The following GON4L variants were observed in gnomAD, a reference collection of about 807,000 sequenced individuals.
GON4L encodes the protein GON-4-like protein.
Under a neutral mutation model 211.8 loss-of-function variants are expected in GON4L, and 87 were observed. The ratio of observed to expected loss-of-function variants is 0.41; its 90% CI spans 0.35 to 0.49. The LOEUF is 0.49. GON4L is among the 20% of genes least tolerant of loss of function. GON4L has a pLI of 0.15. For missense variants in GON4L, 2,155 were observed against 2,659.5 expected, an observed-to-expected ratio of 0.81 and a Z score of 4.17; for synonymous variants, 875 against 962.6, an observed-to-expected ratio of 0.91 and a Z score of 1.68.
chr1:155,754,285 C>T (rs1400553605), intron 28 of GON4L, 90 bp downstream of exon 28: 1 of 826,600 alleles, frequency 1.2e-6, no homozygotes, highest in East Asian at 2.4e-5. Flanking sequence ...ATATATGTGC[C>T]TTTTTAGGAA....
At position 155,750,544 on chromosome 1, in the gene GON4L, G is replaced by A. The variant is rs748223869; in HGVS notation, c.*40C>T. The A allele has an allele frequency of 1.0e-4, 159 of 1,551,642 alleles. No homozygotes were observed. The East Asian group carries it at 2.4e-3, about 24-fold the overall frequency. On this transcript the variant is annotated 3_prime_UTR_variant, in exon 32 of 32. Coordinates refer to ENST00000368331, the MANE Select transcript of GON4L (RefSeq NM_001282860.2). ...ACTACCCCCTCCCCGGTGCCAGGGC[G>A]CCTGTTGGGTTTGGTCCTGTGTAGA...
intron 10 of GON4L, among the ~76,000 whole-genome samples, chr1:155,808,771 G>A (rs1667405209): frequency 6.6e-6 from 1 of 151,940 alleles, no homozygotes; most frequent in Non-Finnish European, 1.5e-5. Flanking sequence ...AGGATGCCCA[G>A]CTAAGTTTTG....
chr1:155,835,692 T>C (rs1294385495), intron 2 of GON4L, among the ~76,000 whole-genome samples: 1 of 152,166 alleles, frequency 6.6e-6, no homozygotes. Context: ...TTTGTATACA[T>C]ACAGCTAGCC....
downstream of GON4L, chr1:155,748,068 G>C: frequency 6.8e-6 from 11 of 1,608,410 alleles, no homozygotes; most frequent in Non-Finnish European, 9.4e-6. Flanking sequence ...CTTGTCCTTG[G>C]GTGGGAGCCT....
intron 2 of GON4L, among the ~76,000 whole-genome samples, chr1:155,852,778 T>G (rs556467482): frequency 6.6e-6 from 1 of 151,598 alleles, no homozygotes; most frequent in South Asian, 2.1e-4. Flanking sequence ...GAAGTGGATA[T>G]AGCGAATGGG....
chr1:155,820,796 CAG>C (rs1405555014), intron 5 of GON4L, 140 bp from the exon 6 acceptor site: 3 of 676,180 alleles, frequency 4.4e-6, no homozygotes, highest in Non-Finnish European at 8.0e-6. Flanking sequence ...GCCTGAGCAA[CAG>C]AGTGAGACAC....
chr1:155,758,918 G>A (rs1295200005), intron 24 of GON4L, among the ~76,000 whole-genome samples: 5 of 152,028 alleles, frequency 3.3e-5, no homozygotes, highest in African/African-American at 1.2e-4. Context: ...CAAAACTCCT[G>A]GCTACAAGGG....
At chr1:155,833,200 CTGAG>C (rs998428927) in intron 2 of GON4L, among the ~76,000 whole-genome samples, 7 of 152,122 alleles carry the variant, frequency 4.6e-5, no homozygotes, top group African/African-American at 9.7e-5. Context: ...TTATCAATAA[CTGAG>C]TGACTATGAA....
At chr1:155,772,065 A>G (rs1663247261) in intron 18 of GON4L, among the ~76,000 whole-genome samples, 1 of 152,014 alleles carries the variant, frequency 6.6e-6, no homozygotes, top group Non-Finnish European at 1.5e-5. Context: ...TGGTCAGGAG[A>G]ATCACTTGAA....
chr1:155,856,580 G>C (rs1672303323), intron 1 of GON4L, among the ~76,000 whole-genome samples: 1 of 151,640 alleles, frequency 6.6e-6, no homozygotes, highest in Non-Finnish European at 1.5e-5. Flanking sequence ...AAGACATTAG[G>C]GGAGATTCTC....
intron 19 of GON4L, among the ~76,000 whole-genome samples, chr1:155,770,362 T>A (rs191959670): frequency 6.6e-6 from 1 of 152,192 alleles, no homozygotes; most frequent in African/African-American, 2.4e-5. Context: ...ACACAGCATC[T>A]CCACACAAAA....
intron 19 of GON4L, among the ~76,000 whole-genome samples, chr1:155,768,687 C>T (rs1028702616): frequency 8.6e-5 from 13 of 150,764 alleles, no homozygotes; most frequent in Non-Finnish European, 1.9e-4. Context: ...TCAAGTAATT[C>T]TCCCACCTTG....
rs542418428 is a variant in GON4L at position 155,821,653 on chromosome 1, C to A, written c.889-105G>T. ...ACCTATGTACAGGACAAATGAGAAC[C>A]ATATACTCGAATAGCATCAGACTGG... On this transcript the variant is annotated intron_variant, in intron 4 of 31. Transcript: ENST00000368331. The A allele has an allele frequency of 1.1e-4, 84 of 739,976 alleles. No homozygotes were observed. The East Asian group carries it at 2.2e-3, about 19-fold the overall frequency. 45.8% of individuals were successfully genotyped at this position (739,976 alleles called of 1,614,324 possible).
At chr1:155,770,115 G>A (rs1663035278) in intron 19 of GON4L, among the ~76,000 whole-genome samples, 2 of 151,912 alleles carry the variant, frequency 1.3e-5, no homozygotes, top group Admixed American at 6.6e-5. Flanking sequence ...GGGAGGCTGA[G>A]GTGGGAGGAA....
At chr1:155,840,676 G>C (rs822498) in intron 2 of GON4L, among the ~76,000 whole-genome samples, 142,507 of 152,238 alleles carry the variant, frequency 0.94, 67,463 homozygotes, top group East Asian at 1. Flanking sequence ...CTCTTGCCAG[G>C]ATCTAACACC....
In GON4L at chr1:155,815,654, AG is replaced by A. The variant is rs2102203675; in HGVS notation, c.1161+150del. 3 of 645,246 alleles carry A rather than the reference AG, an allele frequency of 4.6e-6. No individual in the cohort carries two copies. In the South Asian group the frequency reaches 5.3e-5, roughly 11 times the overall value. The allele number at this position is 645,246 out of a possible 1,614,324, so 40.0% of individuals were successfully genotyped here. A position where few individuals can be genotyped will look rare whatever the true frequency, so the allele number is the denominator to read the frequency against. ...CATAATACAACAAATTCTAAAATTA[AG>A]GGAGTATAAAGGGCAGAAAAACAGC... On this transcript the variant is annotated intron_variant, in intron 8 of 31. Coordinates refer to ENST00000368331, the MANE Select transcript of GON4L (RefSeq NM_001282860.2).
downstream of GON4L, chr1:155,749,484 C>G: frequency 3.4e-6 from 5 of 1,459,486 alleles, no homozygotes; most frequent in African/African-American, 1.6e-5. Context: ...CCTCCCTTGA[C>G]TTCTTACGCA....
At chr1:155,768,233 G>T (rs1220053908) in intron 19 of GON4L, among the ~76,000 whole-genome samples, 1 of 151,390 alleles carries the variant, frequency 6.6e-6, no homozygotes, top group Non-Finnish European at 1.5e-5. Flanking sequence ...AACCTGGGAG[G>T]TGGAGGTTGA....
Position 155,766,194 on chromosome 1 carries a change from A to G in GON4L, c.3279T>C (p.Ser1093=), listed in dbSNP as rs146094616. The change falls in exon 21 of 32, where the codon TCT becomes TCC. Residue 1093 remains serine (S), a synonymous_variant. Coordinates refer to ENST00000368331, the MANE Select transcript of GON4L (RefSeq NM_001282860.2). ...GCATTACCTTGGGCACAGGGGCAGAAGAGAGCAAAGTCTGGGACTCAGACA... is the reference window on the plus strand; with the variant it reads ...GCATTACCTTGGGCACAGGGGCAGAGGAGAGCAAAGTCTGGGACTCAGACA... ...FPLSESQTLL[S]SAPVPKVMLP... 129 of 1,614,042 alleles carry G rather than the reference A, an allele frequency of 8.0e-5. No individual in the cohort carries two copies. The highest frequency in any genetic ancestry group is 2.2e-4 in the Admixed American group (13 of 59,978).
Sources: allele counts gnomAD v4.1 joint callset (sites outside exome capture counted in the v4.1 genomes callset), GRCh38; gene constraint gnomAD v4.1.1; transcripts MANE v1.5; gene names NCBI Gene and HGNC (gene_info 2026-07-23, HGNC 2026-07-21).